The following PRKG1 variants were observed in gnomAD, a reference collection of about 807,000 sequenced individuals.
PRKG1 encodes cGMP-dependent protein kinase 1.
Under a neutral mutation model 88.1 loss-of-function variants are expected in PRKG1, and 35 were observed. The ratio of observed to expected loss-of-function variants is 0.40; its 90% CI spans 0.30 to 0.53. The LOEUF is 0.53. PRKG1 is among the 20% of genes least tolerant of loss of function. PRKG1 has a pLI of 0.59. For missense variants in PRKG1, 540 were observed against 839.8 expected (o/e 0.64, Z 4.41); for synonymous variants, 303 against 292.5 (o/e 1.04, Z -0.37).
chr10:51,172,301 G>A (rs571822915), intron 2 of PRKG1, among the ~76,000 whole-genome samples: 1 of 152,004 alleles, frequency 6.6e-6, no homozygotes, highest in African/African-American at 2.4e-5. Flanking sequence ...CTGTATTCGG[G>A]TTTAACATTT....
chr10:51,785,834 C>T (rs371741990), intron 3 of PRKG1, among the ~76,000 whole-genome samples: 2 of 152,180 alleles, frequency 1.3e-5, no homozygotes, highest in African/African-American at 2.4e-5. Context: ...CTACTTTTGT[C>T]GGTGACTGGG....
At chr10:51,661,612 C>A (rs576084941) in intron 3 of PRKG1, among the ~76,000 whole-genome samples, 1 of 152,132 alleles carries the variant, frequency 6.6e-6, no homozygotes, top group East Asian at 1.9e-4. Context: ...GAAATAGGAA[C>A]GCTTTTTCAC....
intron 2 of PRKG1, among the ~76,000 whole-genome samples, chr10:51,310,394 C>A (rs749716892): frequency 2.0e-5 from 3 of 152,116 alleles, no homozygotes; most frequent in Non-Finnish European, 4.4e-5. Context: ...AGGATATAGA[C>A]ATGAATAAGA....
At chr10:52,166,837 A>ATG (rs1491525241) in intron 9 of PRKG1, among the ~76,000 whole-genome samples, 1 of 2,760 alleles carries the variant, frequency 3.6e-4, no homozygotes, top group African/African-American at 4.4e-4. Context: ...ATGTATATAT[A>ATG]TGTATATATA....
At chr10:51,104,872 G>A (rs1398369596) in intron 1 of PRKG1, among the ~76,000 whole-genome samples, 1 of 152,030 alleles carries the variant, frequency 6.6e-6, no homozygotes, top group Non-Finnish European at 1.5e-5. Flanking sequence ...TGGGATTACA[G>A]GCGGGTGGCA....
intron 2 of PRKG1, among the ~76,000 whole-genome samples, chr10:51,352,262 T>C (rs1842266092): frequency 6.6e-6 from 1 of 152,040 alleles, no homozygotes; most frequent in South Asian, 2.1e-4. Context: ...TTAAAGAATT[T>C]TTTTTTTTCT....
chr10:51,656,116 T>C (rs1462838981), intron 3 of PRKG1, among the ~76,000 whole-genome samples: 1 of 152,152 alleles, frequency 6.6e-6, no homozygotes, highest in African/African-American at 2.4e-5. Flanking sequence ...AAAGCAAGTG[T>C]TTTACTGTCA....
intron 7 of PRKG1, among the ~76,000 whole-genome samples, chr10:52,082,939 TAAAG>T (rs1330386303): frequency 6.6e-6 from 1 of 152,094 alleles, no homozygotes; most frequent in East Asian, 1.9e-4. Flanking sequence ...ATTATGATGT[TAAAG>T]AAAGCTTATA....
intron 2 of PRKG1, among the ~76,000 whole-genome samples, chr10:51,264,531 G>A (rs1028415025): frequency 2.6e-5 from 4 of 152,128 alleles, no homozygotes; most frequent in African/African-American, 9.7e-5. Context: ...TATGTATCAC[G>A]GTATTCTGTG....
intron 4 of PRKG1, among the ~76,000 whole-genome samples, chr10:51,871,580 A>G (rs1191961898): frequency 1.3e-5 from 2 of 152,218 alleles, no homozygotes; most frequent in Admixed American, 1.3e-4. Flanking sequence ...ATTTGGTGGG[A>G]GAATCATCAG....
At chr10:51,705,958 C>T (rs940772701) in intron 3 of PRKG1, among the ~76,000 whole-genome samples, 8 of 152,210 alleles carry the variant, frequency 5.3e-5, no homozygotes, top group East Asian at 3.9e-4. Context: ...AAGTTATTGA[C>T]GCCTGGGCAC....
At chr10:51,268,442 A>G (rs911570044) in intron 2 of PRKG1, among the ~76,000 whole-genome samples, 10 of 152,110 alleles carry the variant, frequency 6.6e-5, no homozygotes, top group African/African-American at 2.4e-4. Flanking sequence ...CGGCCATTTC[A>G]GAGGCCTACC....
chr10:51,244,866 A>T (rs1414248602), intron 2 of PRKG1: 1 of 150,342 alleles, frequency 6.7e-6, no homozygotes, highest in African/African-American at 2.4e-5. Flanking sequence ...TCTACAACCG[A>T]GATTGTATCT....
intron 3 of PRKG1, among the ~76,000 whole-genome samples, chr10:51,496,294 G>A (rs1460176410): frequency 1.3e-5 from 2 of 152,168 alleles, no homozygotes; most frequent in Non-Finnish European, 2.9e-5. Context: ...TGTACGATTA[G>A]AGGCAAATAT....
rs942432417 is a variant in PRKG1, at chr10:51,596,053, A to G, written c.592+128217A>G. Among the ~76,000 whole-genome samples the G allele has an allele frequency of 7.3e-5, 11 of 151,514 alleles. No individual in the cohort carries two copies. The East Asian group carries it at 2.1e-3, about 29-fold the overall frequency. On this transcript the variant is annotated intron_variant, in intron 3 of 17. Coordinates refer to ENST00000373980, the MANE Select transcript of PRKG1 (RefSeq NM_006258.4). The stretch of plus-strand genomic sequence containing the variant: ...ACTATTTTGGTCAGGCTGGTCCCAA[A>G]CTCCTGACCTCATGATCCACCTGCC...
intron 3 of PRKG1, among the ~76,000 whole-genome samples, chr10:51,708,902 G>A (rs1245963518): frequency 6.6e-6 from 1 of 152,126 alleles, no homozygotes; most frequent in East Asian, 1.9e-4. Flanking sequence ...TACCACTGGT[G>A]TAGCCATACT....
chr10:52,082,912 G>A (rs1564461334), intron 7 of PRKG1, among the ~76,000 whole-genome samples: 2 of 151,980 alleles, frequency 1.3e-5, no homozygotes, highest in African/African-American at 4.8e-5. Flanking sequence ...TTATTTTAGA[G>A]TAATAATGAT....
intron 3 of PRKG1, among the ~76,000 whole-genome samples, chr10:51,714,081 G>A (rs566588896): frequency 2.6e-4 from 40 of 152,206 alleles, no homozygotes; most frequent in Non-Finnish European, 5.0e-4. Context: ...CCAGGTTTGC[G>A]CCATTCTCCT....
intron 4 of PRKG1, among the ~76,000 whole-genome samples, chr10:51,817,347 A>AC (rs367740899): frequency 0.34 from 43,023 of 127,906 alleles, 8,032 homozygotes; most frequent in Middle Eastern, 0.49. Context: ...TCCCTCCCCA[A>AC]CCCCCCCCCT....
Sources: gnomAD v4.1 joint callset for allele counts (sites outside exome capture counted in the v4.1 genomes callset) on GRCh38, gnomAD v4.1.1 for gene constraint, MANE v1.5 for transcripts, NCBI Gene and HGNC (gene_info 2026-07-23, HGNC 2026-07-21) for gene names.